Variants in PRICKLE2 observed in about 807,000 individuals in gnomAD.
PRICKLE2 encodes prickle planar cell polarity protein 2.
In PRICKLE2, 21 loss-of-function variants were observed where a neutral mutation model predicts 81.4. That is an observed-to-expected ratio of 0.26 (90% CI 0.18 to 0.37). PRICKLE2 has a LOEUF of 0.37. Ranked by LOEUF, PRICKLE2 falls within the 10% of genes least tolerant of loss-of-function variation. PRICKLE2 has a pLI of 1.00. For missense variants in PRICKLE2, 940 were observed against 1,109.0 expected (o/e 0.85, Z 2.16); for synonymous variants, 456 against 421.5 (o/e 1.08, Z -1.00).
intron 2 of PRICKLE2, among the ~76,000 whole-genome samples, chr3:64,253,611 T>A (rs1251508939): frequency 6.6e-6 from 1 of 152,214 alleles, no homozygotes; most frequent in Admixed American, 6.5e-5. Context: ...ACTGGTAGAA[T>A]ACCTTCGACA....
chr3:64,193,325 G>A (rs1028393930), intron 2 of PRICKLE2, among the ~76,000 whole-genome samples: 1 of 152,076 alleles, frequency 6.6e-6, no homozygotes, highest in African/African-American at 2.4e-5. Context: ...AGCATCTCAA[G>A]GACCCATGCA....
intron 2 of PRICKLE2, among the ~76,000 whole-genome samples, chr3:64,182,426 T>C (rs1175121007): frequency 1.3e-5 from 2 of 151,420 alleles, no homozygotes; most frequent in Non-Finnish European, 2.9e-5. Context: ...TGCAGGGAGG[T>C]TGAAGCTGCA....
chr3:64,194,610 T>C (rs930971851), intron 2 of PRICKLE2, among the ~76,000 whole-genome samples: 9 of 152,224 alleles, frequency 5.9e-5, no homozygotes, highest in Admixed American at 5.2e-4. Context: ...GGCTGAGAAA[T>C]CCTCTTCATC....
intron 2 of PRICKLE2, among the ~76,000 whole-genome samples, chr3:64,196,513 C>G (rs545055075): frequency 1.3e-5 from 2 of 152,160 alleles, no homozygotes; most frequent in Admixed American, 1.3e-4. Flanking sequence ...CAAACTCAAT[C>G]AAACACTCTC....
intron 2 of PRICKLE2, among the ~76,000 whole-genome samples, chr3:64,258,743 G>A (rs1223714843): frequency 1.0e-4 from 15 of 148,460 alleles, no homozygotes; most frequent in Admixed American, 1.3e-4. Flanking sequence ...AGAATGGCAC[G>A]AACCCGGGAG....
At chr3:64,119,670 C>T (rs1376082565) in intron 7 of PRICKLE2, among the ~76,000 whole-genome samples, 2 of 152,154 alleles carry the variant, frequency 1.3e-5, no homozygotes, top group Non-Finnish European at 2.9e-5. Flanking sequence ...AGAACTTAAA[C>T]CAAACTACCA....
intron 7 of PRICKLE2, among the ~76,000 whole-genome samples, chr3:64,120,484 G>A (rs1274140584): frequency 3.3e-5 from 5 of 152,226 alleles, no homozygotes; most frequent in African/African-American, 7.2e-5. Flanking sequence ...AGTCAGTGAT[G>A]GAGGCAAGAA....
At position 64,092,752 on chromosome 3, in the gene PRICKLE2, G is replaced by C. The variant is rs947666277; in HGVS notation, c.*6299C>G. On this transcript the variant is annotated 3_prime_UTR_variant, in exon 8 of 8. Transcript: ENST00000638394. The stretch of plus-strand genomic sequence containing the variant: ...AACTGAAAATTAACTGTGTGGCCTG[G>C]GTAGGAATCAGTTTCAAGAATTCTC... 9 of 152,120 alleles carry C rather than the reference G, an allele frequency of 5.9e-5. No homozygotes were observed. Among genetic ancestry groups the C allele is most frequent in the African/African-American group, 1.4e-4 (6 of 41,424 alleles). The allele number at this position is 152,120 out of a possible 1,614,324, so 9.4% of individuals were successfully genotyped here.
At chr3:64,137,506 G>A (rs898078070) in intron 7 of PRICKLE2, among the ~76,000 whole-genome samples, 6 of 152,086 alleles carry the variant, frequency 3.9e-5, no homozygotes, top group African/African-American at 1.4e-4. Flanking sequence ...GACTGCTCAC[G>A]CCCAAGGAGG....
intron 1 of PRICKLE2, among the ~76,000 whole-genome samples, chr3:64,201,898 T>A (rs1271697177): frequency 1.3e-5 from 2 of 152,212 alleles, no homozygotes. Context: ...ATGGTCCATT[T>A]TGAGTTAATT....
chr3:64,226,480 T>C (rs2079033878), upstream of PRICKLE2, among the ~76,000 whole-genome samples: 1 of 152,190 alleles, frequency 6.6e-6, no homozygotes, highest in African/African-American at 2.4e-5. Context: ...TCAATAAATA[T>C]TTACTAAGCA....
intron 7 of PRICKLE2, chr3:64,141,750 T>A: frequency 1.0e-6 from 1 of 963,516 alleles, no homozygotes; most frequent in South Asian, 4.8e-5. Flanking sequence ...ATCTGTTTTT[T>A]CAGATCTGTT....
At chr3:64,145,351 T>C (rs2077431404) in intron 7 of PRICKLE2, 1 of 147,518 alleles carries the variant, frequency 6.8e-6, no homozygotes, top group Admixed American at 6.8e-5. Context: ...ATATTATATA[T>C]GATATATATA....
intron 1 of PRICKLE2, among the ~76,000 whole-genome samples, chr3:64,221,918 G>A (rs1219466309): frequency 5.9e-5 from 9 of 152,120 alleles, no homozygotes; most frequent in African/African-American, 1.4e-4. Flanking sequence ...GCACTAGACG[G>A]GTACCACGGT....
At chr3:64,258,885 G>GAAAGA (rs2079573430) in intron 2 of PRICKLE2, among the ~76,000 whole-genome samples, 2 of 142,534 alleles carry the variant, frequency 1.4e-5, no homozygotes, top group South Asian at 4.5e-4. Flanking sequence ...AAGAAAGAAA[G>GAAAGA]AAAGAAAGAA....
upstream of PRICKLE2, among the ~76,000 whole-genome samples, chr3:64,229,958 T>C (rs1443329862): frequency 6.6e-6 from 1 of 152,204 alleles, no homozygotes; most frequent in Non-Finnish European, 1.5e-5. Flanking sequence ...GCAAAGTTGG[T>C]TGGAGGCCCA....
At chr3:64,223,923 T>C (rs1160058848) in intron 1 of PRICKLE2, among the ~76,000 whole-genome samples, 1 of 152,220 alleles carries the variant, frequency 6.6e-6, no homozygotes, top group Non-Finnish European at 1.5e-5. Flanking sequence ...TGGGAAGAGA[T>C]GTGCAGGCAA....
chr3:64,154,853 T>C (rs1444963394), intron 5 of PRICKLE2: 2 of 151,888 alleles, frequency 1.3e-5, no homozygotes, highest in Non-Finnish European at 2.9e-5. Flanking sequence ...TACAACTCAA[T>C]AATGAGAAAA....
intron 2 of PRICKLE2, among the ~76,000 whole-genome samples, chr3:64,165,710 T>C (rs1305332739): frequency 6.6e-6 from 1 of 152,174 alleles, no homozygotes; most frequent in Non-Finnish European, 1.5e-5. Flanking sequence ...GGTCTTGCTA[T>C]GTTGACCAAG....
Sources: gnomAD v4.1 joint callset for allele counts (sites outside exome capture counted in the v4.1 genomes callset) on GRCh38, gnomAD v4.1.1 for gene constraint, MANE v1.5 for transcripts, NCBI Gene and HGNC (gene_info 2026-07-23, HGNC 2026-07-21) for gene names.